Variants in POLR2G observed in about 807,000 individuals in gnomAD.
POLR2G encodes DNA-directed RNA polymerase II subunit RPB7.
POLR2G carries 19 observed loss-of-function variants against 25.7 expected under a neutral mutation model. The observed-to-expected ratio is 0.74, with a 90% CI of 0.52 to 1.08. The LOEUF is 1.08. Among genes scored for constraint, POLR2G ranks in the 50% least tolerant of loss-of-function variants. The pLI is 0.00. For synonymous variants in POLR2G, 79 were observed against 76.0 expected (o/e 1.04, Z -0.21); for missense variants, 123 against 218.5 (o/e 0.56, Z 2.76).
At chr11:62,765,609 C>T (rs374670252) in intron 5 of POLR2G, 44 bp from the exon 6 acceptor site, 1 of 1,397,112 alleles carries the variant, frequency 7.2e-7, no homozygotes, top group African/African-American at 1.4e-5. Flanking sequence ...TGTAACTTCT[C>T]ATAAACTGAG....
At chr11:62,762,729 C>T in intron 2 of POLR2G, 138 bp from the exon 3 acceptor site, 1 of 668,356 alleles carries the variant, frequency 1.5e-6, no homozygotes, top group Non-Finnish European at 2.7e-6. Context: ...TCATTAAGCT[C>T]TCTGGGAGCA....
chr11:62,764,944 C>T (rs1037847452), intron 3 of POLR2G, among the ~76,000 whole-genome samples: 1 of 152,036 alleles, frequency 6.6e-6, no homozygotes, highest in Admixed American at 6.6e-5. Context: ...CTGCAACCTC[C>T]ACCTCCTGGG....
intron 3 of POLR2G, among the ~76,000 whole-genome samples, chr11:62,764,582 C>T (rs2084105459): frequency 6.6e-6 from 1 of 152,018 alleles, no homozygotes; most frequent in Admixed American, 6.6e-5. Context: ...ATTGCTTGAG[C>T]CTAGGAGTTT....
Position 62,765,673 on chromosome 11 carries a change from C to T in POLR2G, c.420C>T (p.Asp140=), listed in dbSNP as rs747327105. 1.5e-5 allele frequency: 24 copies of T among 1,610,482 alleles called. No homozygotes were observed. The highest frequency in any genetic ancestry group is 8.3e-5 in the Admixed American group (5 of 59,970). ...TMDEDIVIQQ[D]DEIRLKIVGT... ...CTCAGGATATTGTGATTCAGCAGGA[C>T]GATGAGATCCGCTTAAAGATTGTGG... Residue 140 remains aspartate (D), a synonymous_variant, in exon 6 of 8, where the codon GAC becomes GAT. Transcript: ENST00000301788.
At chr11:62,762,024 T>G (rs922728692) in intron 2 of POLR2G, 120 bp downstream of exon 2, 13 of 710,812 alleles carry the variant, frequency 1.8e-5, no homozygotes, top group Non-Finnish European at 2.9e-5. Context: ...CTCTCCTCTC[T>G]CAGGCAGCCA....
rs2134857870 is a variant in POLR2G, at chr11:62,765,323, T to C, written c.334-17T>C. ...CATCCATTTAAAGTGCTAACCTAGA[T>C]CTCACTTTCCTTTCAGTCCATCCCT... On this transcript the variant is annotated splice_polypyrimidine_tract_variant and intron_variant, in intron 4 of 7. Coordinates refer to ENST00000301788, the MANE Select transcript of POLR2G (RefSeq NM_002696.3). 6.2e-7 allele frequency: 1 copy of C among 1,612,198 alleles called. No homozygotes were observed. The highest frequency in any genetic ancestry group is 2.2e-5 in the East Asian group (1 of 44,846).
intron 1 of POLR2G, 60 bp from the exon 2 acceptor site, chr11:62,761,735 C>T: frequency 1.2e-6 from 2 of 1,606,202 alleles, no homozygotes; most frequent in Non-Finnish European, 1.7e-6. Context: ...GCGAGACTCC[C>T]CTTGTCGTCC....
At chr11:62,763,404 C>T (rs1160354696) in intron 3 of POLR2G, among the ~76,000 whole-genome samples, 4 of 151,848 alleles carry the variant, frequency 2.6e-5, no homozygotes, top group Admixed American at 6.6e-5. Flanking sequence ...ACACCATTCT[C>T]CTGCCTCAGC....
intron 2 of POLR2G, 97 bp downstream of exon 2, chr11:62,762,001 A>G: frequency 1.1e-6 from 1 of 888,894 alleles, no homozygotes; most frequent in South Asian, 1.4e-5. Flanking sequence ...CCTGCCACCC[A>G]CTCTGGGGAC....
chr11:62,762,012 C>A, intron 2 of POLR2G, 108 bp downstream of exon 2: 1 of 798,120 alleles, frequency 1.3e-6, no homozygotes, highest in Non-Finnish European at 2.1e-6. Flanking sequence ...CTCTGGGGAC[C>A]CCTCTCCTCT....
At chr11:62,765,891 C>T (rs2084113492) in intron 6 of POLR2G, among the ~76,000 whole-genome samples, 167 bp downstream of exon 6, 1 of 151,624 alleles carries the variant, frequency 6.6e-6, no homozygotes, top group Admixed American at 6.6e-5. Context: ...GGGTTCATGC[C>T]ATTCTCCTGC....
chr11:62,765,700 G>A lies in POLR2G; in HGVS notation c.447G>A (p.Gly149=), dbSNP rs2084112225. The A allele has an allele frequency of 1.2e-6, 2 of 1,608,176 alleles. No individual in the cohort carries two copies. The highest frequency in any genetic ancestry group is 1.7e-5 in the Admixed American group (1 of 59,968). Residue 149 remains glycine (G), a synonymous_variant, in exon 6 of 8, where the codon GGG becomes GGA. Transcript: ENST00000301788. ...QDDEIRLKIV[G]TRVDKNDIFA... is the part of the protein sequence containing the mutation. ...ATGAGATCCGCTTAAAGATTGTGGG[G>A]ACCCGTGTGGACAAGAATGACATTG...
intron 3 of POLR2G, among the ~76,000 whole-genome samples, chr11:62,764,940 C>T (rs577037016): frequency 1.3e-5 from 2 of 151,854 alleles, no homozygotes; most frequent in Non-Finnish European, 2.9e-5. Flanking sequence ...CTCACTGCAA[C>T]CTCCACCTCC....
intron 1 of POLR2G, 64 bp downstream of exon 1, chr11:62,761,724 C>A: frequency 1.2e-6 from 2 of 1,606,650 alleles, no homozygotes; most frequent in Non-Finnish European, 1.7e-6. Flanking sequence ...CAGGCGCCGG[C>A]GCGAGACTCC....
At chr11:62,763,988 T>G (rs2084102298) in intron 3 of POLR2G, among the ~76,000 whole-genome samples, 1 of 149,806 alleles carries the variant, frequency 6.7e-6, no homozygotes, top group Admixed American at 6.6e-5. Flanking sequence ...GTGATCTGCC[T>G]GGCTCAGCCA....
intron 3 of POLR2G, among the ~76,000 whole-genome samples, chr11:62,764,338 G>A (rs1328420546): frequency 6.6e-6 from 1 of 152,062 alleles, no homozygotes; most frequent in East Asian, 1.9e-4. Flanking sequence ...GCATGTGCGT[G>A]TAGTCCCTGC....
Position 62,764,113 on chromosome 11 carries a change from G to A in POLR2G, c.283-1069G>A, listed in dbSNP as rs577344126. Reference sequence around the variant, plus strand: ...ACTGGCCAAGATCATGTGGCCAACAGGTGTTCAAATCTTGGACTAACACGT... The same window carrying A: ...ACTGGCCAAGATCATGTGGCCAACAAGTGTTCAAATCTTGGACTAACACGT... On this transcript the variant is annotated intron_variant, in intron 3 of 7. Coordinates refer to ENST00000301788, the MANE Select transcript of POLR2G (RefSeq NM_002696.3). 2.6e-5 allele frequency among the ~76,000 whole-genome samples: 4 copies of A among 152,246 alleles called. No homozygotes were observed. In the South Asian group the frequency reaches 8.3e-4, roughly 32 times the overall value.
In POLR2G at chr11:62,766,645, G is replaced by A. The variant is rs1268818584; in HGVS notation, c.*138G>A. On this transcript the variant is annotated 3_prime_UTR_variant, in exon 8 of 8. Coordinates refer to ENST00000301788, the MANE Select transcript of POLR2G (RefSeq NM_002696.3). ...TCCCAGAAGGCATCTGGTGCTTCTT[G>A]TAGCTTAACTACTGCCTCCTCATTT... 5 of 708,870 alleles carry A rather than the reference G, an allele frequency of 7.1e-6. No homozygotes were observed. Among genetic ancestry groups the A allele is most frequent in the African/African-American group, 5.3e-5 (3 of 56,130 alleles). The allele number at this position is 708,870 out of a possible 1,614,324, so 43.9% of individuals were successfully genotyped here.
rs553990308 is a variant in POLR2G at position 62,761,599 on chromosome 11, C to G, written c.-50C>G. The G allele has an allele frequency of 3.8e-6, 6 of 1,571,948 alleles. No homozygotes were observed. Among genetic ancestry groups the G allele is most frequent in the Non-Finnish European group, 5.2e-6 (6 of 1,158,050 alleles). On this transcript the variant is annotated 5_prime_UTR_variant, in exon 1 of 8. Transcript: ENST00000301788. ...GCGTCTAAGTGTTTCCGGTGGATTCCCAGGGACTGTCGGAGGTGTGGACTC... is the reference window on the plus strand; with the variant it reads ...GCGTCTAAGTGTTTCCGGTGGATTCGCAGGGACTGTCGGAGGTGTGGACTC...
Sources: allele counts gnomAD v4.1 joint callset (sites outside exome capture counted in the v4.1 genomes callset), GRCh38; gene constraint gnomAD v4.1.1; transcripts MANE v1.5; gene names NCBI Gene and HGNC (gene_info 2026-07-23, HGNC 2026-07-21).